CAMTA1: variants seen among roughly 807,000 people sequenced by gnomAD.
CAMTA1 encodes calmodulin-binding transcription activator 1.
A neutral mutation model predicts 170.9 loss-of-function variants in CAMTA1; 27 were observed. The ratio of observed to expected loss-of-function variants is 0.16; its 90% confidence interval spans 0.12 to 0.22. The LOEUF (loss-of-function observed/expected upper bound fraction) is 0.22. Among genes scored for constraint, CAMTA1 ranks in the 10% least tolerant of loss-of-function variants. The pLI, the probability that CAMTA1 is intolerant of heterozygous loss-of-function variation, is 1.00. For synonymous variants in CAMTA1, 833 were observed against 891.5 expected (o/e 0.93, Z 1.17); for missense variants, 1,619 against 2,217.2 (o/e 0.73, Z 5.42).
At chr1:7,384,287 C>T (rs2087689047) in intron 5 of CAMTA1, among the ~76,000 whole-genome samples, 1 of 152,184 alleles carries the variant, frequency 6.6e-6, no homozygotes, top group African/African-American at 2.4e-5. Flanking sequence ...CACGGTGGCT[C>T]AGTGGCTTGG....
intron 4 of CAMTA1, among the ~76,000 whole-genome samples, chr1:7,191,142 C>T (rs1423298481): frequency 6.6e-6 from 1 of 152,184 alleles, no homozygotes; most frequent in African/African-American, 2.4e-5. Context: ...AGCCCTTGGG[C>T]ATGGGAAGAG....
intron 6 of CAMTA1, among the ~76,000 whole-genome samples, chr1:7,631,824 A>G (rs1462858575): frequency 3.3e-5 from 5 of 152,342 alleles, no homozygotes; most frequent in African/African-American, 1.2e-4. Flanking sequence ...CAGTGGGGAT[A>G]GAACCCAAGC....
At chr1:7,038,506 C>T (rs1002422356) in intron 3 of CAMTA1, among the ~76,000 whole-genome samples, 6 of 152,276 alleles carry the variant, frequency 3.9e-5, no homozygotes, top group Admixed American at 3.9e-4. Flanking sequence ...CCCATAAACC[C>T]ACCAAGTAGC....
intron 4 of CAMTA1, among the ~76,000 whole-genome samples, chr1:7,208,435 G>A (rs920294797): frequency 3.5e-4 from 53 of 152,312 alleles, no homozygotes; most frequent in African/African-American, 1.3e-3. Flanking sequence ...CATCTGAGAT[G>A]CTGTGGAATT....
rs2096780145 is a variant in CAMTA1 at position 7,737,348 on chromosome 1, C to G, written c.3436C>G (p.Leu1146Val). ...CTCGATTCCCGACTCTCTAGGAAGG[C>G]TGCCTTTGGGAATTGCCAGGTCACG... Reference protein sequence around the residue: ...AISIPDSLGRLPLGIARSRGH... With the variant: ...AISIPDSLGRVPLGIARSRGH... Residue 1146 changes from leucine (L) to valine (V), a missense_variant, in exon 15 of 23, where the codon CTG (leucine) becomes GTG (valine). Transcript: ENST00000303635. The G allele has an allele frequency of 6.2e-7, 1 of 1,614,100 alleles. No homozygotes were observed. Among genetic ancestry groups the G allele is most frequent in the African/African-American group, 1.3e-5 (1 of 74,942 alleles).
intron 5 of CAMTA1, among the ~76,000 whole-genome samples, chr1:7,410,148 G>A (rs534856987): frequency 4.6e-5 from 7 of 152,318 alleles, no homozygotes; most frequent in Non-Finnish European, 1.0e-4. Flanking sequence ...ATTTTAAAGT[G>A]AGCTGTAAAT....
intron 8 of CAMTA1, among the ~76,000 whole-genome samples, chr1:7,662,777 C>T (rs969337291): frequency 6.6e-6 from 1 of 152,092 alleles, no homozygotes; most frequent in Non-Finnish European, 1.5e-5. Context: ...GGAGCAGGGT[C>T]GAGAACCCTC....
rs531117102 is a variant in CAMTA1, at chr1:7,607,050, T to C, written c.511-33350T>C. 4.6e-5 allele frequency among the ~76,000 whole-genome samples: 7 copies of C among 152,298 alleles called. No individual in the cohort carries two copies. In the South Asian group the frequency reaches 1.2e-3, roughly 27 times the overall value. On this transcript the variant is annotated intron_variant, in intron 6 of 22. Coordinates refer to ENST00000303635, the MANE Select transcript of CAMTA1 (RefSeq NM_015215.4). ...CAACAGGTGCTCAATACATGTTAAA[T>C]AGAAGGGAGGACGGATGCATGGATG...
At chr1:7,412,328 C>A (rs1334390023) in intron 5 of CAMTA1, among the ~76,000 whole-genome samples, 3 of 151,714 alleles carry the variant, frequency 2.0e-5, no homozygotes, top group East Asian at 1.9e-4. Context: ...CCTGAGGAAT[C>A]GCCACACTGA....
chr1:6,928,940 C>T (rs1683857078), intron 3 of CAMTA1, among the ~76,000 whole-genome samples: 1 of 152,230 alleles, frequency 6.6e-6, no homozygotes, highest in African/African-American at 2.4e-5. Context: ...AGTCCTGTGC[C>T]TGGCCCATCG....
In CAMTA1 at chr1:7,580,637, C is replaced by T. The variant is rs1186599429; in HGVS notation, c.511-59763C>T. Among the ~76,000 whole-genome samples the T allele has an allele frequency of 2.0e-5, 3 of 152,128 alleles. No individual in the cohort carries two copies. The highest frequency in any genetic ancestry group is 3.9e-4 in the East Asian group (2 of 5,176). The stretch of plus-strand genomic sequence containing the variant: ...AGAGACTGATAATACTGCTCATTCT[C>T]GGTGGCACCAAAGGTCCCTGGGCAC... On this transcript the variant is annotated intron_variant, in intron 6 of 22. Transcript: ENST00000303635. The surrounding 1 kb of genome is among the most constrained non-coding windows in gnomAD (Gnocchi z 4.3).
At chr1:7,294,223 G>GT (rs1464238014) in intron 5 of CAMTA1, among the ~76,000 whole-genome samples, 1 of 152,172 alleles carries the variant, frequency 6.6e-6, no homozygotes, top group African/African-American at 2.4e-5. Context: ...GGGCTGTTCT[G>GT]TTCAGCCAGG....
At chr1:7,218,956 G>A (rs1336600713) in intron 4 of CAMTA1, among the ~76,000 whole-genome samples, 2 of 152,110 alleles carry the variant, frequency 1.3e-5, no homozygotes, top group Non-Finnish European at 2.9e-5. Context: ...TTACCTTGGC[G>A]ACCTGGAAGT....
intron 3 of CAMTA1, among the ~76,000 whole-genome samples, chr1:7,080,217 A>G (rs1639829368): frequency 1.3e-5 from 2 of 152,210 alleles, no homozygotes; most frequent in South Asian, 4.1e-4. Context: ...ACTTCCCCCA[A>G]ATCATACAAC....
chr1:7,587,710 C>T (rs191560686), intron 6 of CAMTA1, among the ~76,000 whole-genome samples: 1 of 152,098 alleles, frequency 6.6e-6, no homozygotes, highest in East Asian at 1.9e-4. Context: ...GTTGCAGACA[C>T]CTGGGCTCCC....
intron 11 of CAMTA1, among the ~76,000 whole-genome samples, chr1:7,730,456 T>C (rs1455032878): frequency 6.6e-6 from 1 of 152,232 alleles, no homozygotes; most frequent in East Asian, 1.9e-4. Context: ...AAGTGTCACC[T>C]TTCCTGACTT....
chr1:7,198,559 C>T (rs1402073426), intron 4 of CAMTA1, among the ~76,000 whole-genome samples: 1 of 152,064 alleles, frequency 6.6e-6, no homozygotes, highest in Non-Finnish European at 1.5e-5. Flanking sequence ...CCCCCAGGAC[C>T]TCTCTGGGTC....
At chr1:7,090,075 G>A (rs1254331922) in intron 3 of CAMTA1, among the ~76,000 whole-genome samples, 1 of 152,210 alleles carries the variant, frequency 6.6e-6, no homozygotes, top group East Asian at 1.9e-4. Context: ...GGACAGAGGT[G>A]GCTTGGGCTC....
intron 4 of CAMTA1, among the ~76,000 whole-genome samples, chr1:7,208,026 C>T (rs72861815): frequency 0.037 from 5,666 of 152,302 alleles, 355 homozygotes; most frequent in African/African-American, 0.13. Context: ...AAGGGTAACA[C>T]ATCCCTTCCG....
Sources: allele counts gnomAD v4.1 joint callset (sites outside exome capture counted in the v4.1 genomes callset), GRCh38; gene constraint gnomAD v4.1.1; non-coding constraint Gnocchi (gnomAD v3.1); transcripts MANE v1.5; gene names NCBI Gene and HGNC (gene_info 2026-07-23, HGNC 2026-07-21).